DISC1: variants seen among roughly 807,000 people sequenced by gnomAD.
DISC1 encodes the protein DISC1 scaffold protein.
Under a neutral mutation model 84.5 loss-of-function variants are expected in DISC1, and 57 were observed. The ratio of observed to expected loss-of-function variants is 0.67; its 90% CI spans 0.55 to 0.84. The LOEUF (loss-of-function observed/expected upper bound fraction) is 0.84. DISC1 is among the 40% of genes least tolerant of loss of function. The pLI is 0.00. For synonymous variants in DISC1, 411 were observed against 415.2 expected (o/e 0.99, Z 0.12); for missense variants, 1,000 against 1,057.8 (o/e 0.95, Z 0.76).
At chr1:231,706,544 T>C (rs1461253006) in intron 3 of DISC1, among the ~76,000 whole-genome samples, 1 of 152,220 alleles carries the variant, frequency 6.6e-6, no homozygotes, top group African/African-American at 2.4e-5. Flanking sequence ...GAACACAATT[T>C]TGGGAACTCA....
intron 9 of DISC1, among the ~76,000 whole-genome samples, chr1:231,862,257 A>C (rs1406919473): frequency 6.6e-6 from 1 of 152,214 alleles, no homozygotes; most frequent in Non-Finnish European, 1.5e-5. Context: ...TAGCTCCAGC[A>C]GCTATTATTA....
rs543907587 is a variant in DISC1, at chr1:232,005,066, C to T, written c.2043-3719C>T. ...CATCCTTCCTTCCTTCCTTCCCTCT[C>T]TCCCTCCCTCCCTCCCTCCTCCCTT... On this transcript the variant is annotated intron_variant, in intron 10 of 12. Coordinates refer to ENST00000439617, the MANE Select transcript of DISC1 (RefSeq NM_018662.3). 1.9e-3 allele frequency among the ~76,000 whole-genome samples: 240 copies of T among 124,302 alleles called. 7 individuals carry two copies. The highest frequency in any genetic ancestry group is 6.8e-3 in the African/African-American group (216 of 31,580). 81.5% of individuals were successfully genotyped at this position (124,302 alleles called of 152,430 possible).
Position 231,800,107 on chromosome 1 carries a change from G to A in DISC1, c.1690-1G>A. On this transcript the variant is annotated splice_acceptor_variant, in intron 7 of 12. Transcript: ENST00000439617. LOFTEE classifies it high-confidence loss of function. ...ATTCCTGGTCATTTCTCTCCCCCTA[G>A]GTGTGTATGAGTGAGAAATTCTGCA... 1.2e-6 allele frequency: 2 copies of A among 1,606,262 alleles called. No homozygotes were observed. Among genetic ancestry groups the A allele is most frequent in the African/African-American group, 1.3e-5 (1 of 74,306 alleles).
chr1:231,914,389 C>T (rs1028748140), intron 9 of DISC1, among the ~76,000 whole-genome samples: 2 of 152,118 alleles, frequency 1.3e-5, no homozygotes, highest in African/African-American at 4.8e-5. Flanking sequence ...TCTAAGTACA[C>T]GGGGTAGGAT....
Position 231,801,979 on chromosome 1 carries a change from C to T in DISC1, c.1792+1769C>T, listed in dbSNP as rs1000434692. Among the ~76,000 whole-genome samples the T allele has an allele frequency of 1.3e-4, 20 of 151,998 alleles. 1 individual carries two copies. The South Asian group carries it at 1.5e-3, about 11-fold the overall frequency. On this transcript the variant is annotated intron_variant, in intron 8 of 12. Coordinates refer to ENST00000439617, the MANE Select transcript of DISC1 (RefSeq NM_018662.3). ...GACTACAGGCACCCGCCACCACGCC[C>T]GGCTAATTTTTTGTATTTTTAGTAG...
At chr1:231,923,164 G>A (rs2090111013) in intron 9 of DISC1, among the ~76,000 whole-genome samples, 1 of 151,924 alleles carries the variant, frequency 6.6e-6, no homozygotes, top group African/African-American at 2.4e-5. Flanking sequence ...GCATGCGTCT[G>A]TAATCCCAGC....
intron 9 of DISC1, among the ~76,000 whole-genome samples, chr1:231,831,607 C>T (rs1325276073): frequency 2.0e-5 from 3 of 152,144 alleles, no homozygotes; most frequent in South Asian, 2.1e-4. Flanking sequence ...CTTTTGATGG[C>T]CTTTGCAGTG....
rs373760302 is a variant in DISC1 at position 231,876,168 on chromosome 1, G to T, written c.1981+57651G>T. Among the ~76,000 whole-genome samples, 137 of 152,286 alleles carry T rather than the reference G, an allele frequency of 9.0e-4. 3 individuals carry two copies. In the South Asian group the frequency reaches 0.021, roughly 24 times the overall value. ...GGGGGGAAGTGGTTGGATCATGAGG[G>T]TGGATCCTTCATGAATAGTTTAGCA... On this transcript the variant is annotated intron_variant, in intron 9 of 12. Transcript: ENST00000439617.
At chr1:231,998,601 G>A (rs1047682247) in intron 10 of DISC1, among the ~76,000 whole-genome samples, 3 of 152,084 alleles carry the variant, frequency 2.0e-5, no homozygotes, top group Admixed American at 2.0e-4. Context: ...TTCAAAATGT[G>A]GAACCAAGAA....
intron 10 of DISC1, among the ~76,000 whole-genome samples, chr1:231,980,699 A>AAACCAC (rs1402645773): frequency 9.2e-4 from 140 of 152,218 alleles, no homozygotes; most frequent in Middle Eastern, 3.4e-3. Flanking sequence ...ACTTTTTGTT[A>AAACCAC]TATGATAGTT....
At chr1:231,659,456 G>T (rs1292522580) in intron 1 of DISC1, among the ~76,000 whole-genome samples, 2 of 151,686 alleles carry the variant, frequency 1.3e-5, no homozygotes, top group East Asian at 1.9e-4. Flanking sequence ...TTTTTGAAGG[G>T]TTTTTTGTGT....
chr1:231,792,219 G>A (rs915680386), intron 6 of DISC1, among the ~76,000 whole-genome samples: 1 of 152,180 alleles, frequency 6.6e-6, no homozygotes. Flanking sequence ...ATAAAACAAT[G>A]CATTTAATTA....
chr1:231,856,239 G>A (rs1461068082), intron 9 of DISC1, among the ~76,000 whole-genome samples: 1 of 151,994 alleles, frequency 6.6e-6, no homozygotes, highest in African/African-American at 2.4e-5. Flanking sequence ...GCATGTGGAT[G>A]GTAAAATGCA....
At chr1:231,913,256 C>T (rs569924508) in intron 9 of DISC1, among the ~76,000 whole-genome samples, 1 of 152,144 alleles carries the variant, frequency 6.6e-6, no homozygotes, top group Non-Finnish European at 1.5e-5. Flanking sequence ...CTAGCTTGCC[C>T]CCAGTGGCTG....
At chr1:231,654,015 G>A (rs1160814808) in intron 1 of DISC1, among the ~76,000 whole-genome samples, 1 of 152,184 alleles carries the variant, frequency 6.6e-6, no homozygotes, top group East Asian at 1.9e-4. Context: ...CAGAGGGTGG[G>A]AGAACTTTCT....
chr1:231,647,822 T>C (rs2060263719), intron 1 of DISC1, among the ~76,000 whole-genome samples: 1 of 152,218 alleles, frequency 6.6e-6, no homozygotes, highest in Non-Finnish European at 1.5e-5. Flanking sequence ...TTTGTAGCAA[T>C]TGTGAATGGG....
chr1:231,953,235 T>C (rs145211229), intron 9 of DISC1, among the ~76,000 whole-genome samples: 2,243 of 152,286 alleles, frequency 0.015, 29 homozygotes, highest in Non-Finnish European at 0.017. Context: ...AATGTGACAG[T>C]CAATATCATT....
chr1:231,793,308 A>G (rs200533658), intron 6 of DISC1, among the ~76,000 whole-genome samples: 12 of 152,110 alleles, frequency 7.9e-5, no homozygotes, highest in South Asian at 2.1e-4. Flanking sequence ...TAATCAAGTA[A>G]TCACTCCTCT....
chr1:231,979,193 C>G (rs1014146658), intron 10 of DISC1, among the ~76,000 whole-genome samples: 31 of 152,054 alleles, frequency 2.0e-4, no homozygotes, highest in African/African-American at 7.2e-4. Context: ...TGCAGGAAAA[C>G]AAGTTCAGGG....
Sources: allele counts gnomAD v4.1 joint callset (sites outside exome capture counted in the v4.1 genomes callset), GRCh38; gene constraint gnomAD v4.1.1; transcripts MANE v1.5; gene names NCBI Gene and HGNC (gene_info 2026-07-23, HGNC 2026-07-21).